Variants in SHROOM3 observed in about 807,000 individuals in gnomAD.
The protein encoded by SHROOM3 is protein Shroom3.
SHROOM3 carries 47 observed loss-of-function variants against 138.6 expected under a neutral mutation model. The ratio of observed to expected loss-of-function variants is 0.34; its 90% CI spans 0.27 to 0.43. The LOEUF (loss-of-function observed/expected upper bound fraction) is 0.43. SHROOM3 is among the 20% of genes least tolerant of loss of function. The pLI, the probability that SHROOM3 is intolerant of heterozygous loss-of-function variation, is 1.00. For missense variants in SHROOM3, 2,491 were observed against 2,596.5 expected, an observed-to-expected ratio of 0.96 and a Z score of 0.88; for synonymous variants, 1,062 against 1,063.3, an observed-to-expected ratio of 1.00 and a Z score of 0.02.
At chr4:76,534,512 T>G (rs1390099810) in intron 1 of SHROOM3, among the ~76,000 whole-genome samples, 1 of 135,752 alleles carries the variant, frequency 7.4e-6, no homozygotes, top group Non-Finnish European at 1.6e-5. Flanking sequence ...TATTTATTGT[T>G]GTCATTGACC....
At chr4:76,704,963 A>T (rs1720007929) in intron 2 of SHROOM3, among the ~76,000 whole-genome samples, 1 of 152,198 alleles carries the variant, frequency 6.6e-6, no homozygotes, top group Admixed American at 6.5e-5. Context: ...TTAAGGATAA[A>T]ATAGAAAAAT....
intron 3 of SHROOM3, among the ~76,000 whole-genome samples, chr4:76,730,564 C>T (rs1720841803): frequency 6.6e-6 from 1 of 152,182 alleles, no homozygotes; most frequent in Non-Finnish European, 1.5e-5. Context: ...AATTTTGCAA[C>T]ATTTTAATGC....
intron 10 of SHROOM3, 41 bp downstream of exon 10, chr4:76,770,939 A>G (rs1311339665): frequency 6.2e-7 from 1 of 1,612,860 alleles, no homozygotes; most frequent in Non-Finnish European, 8.5e-7. Context: ...TTCTCCCTCA[A>G]AGCCCACATA....
intron 2 of SHROOM3, among the ~76,000 whole-genome samples, chr4:76,561,284 G>C (rs1387954937): frequency 2.0e-5 from 3 of 152,260 alleles, no homozygotes; most frequent in Non-Finnish European, 4.4e-5. Flanking sequence ...AGTAGTACTA[G>C]TAGTAGTAGT....
chr4:76,748,862 C>T (rs1039275924), intron 5 of SHROOM3, among the ~76,000 whole-genome samples, 155 bp from the exon 6 acceptor site: 2 of 139,156 alleles, frequency 1.4e-5, no homozygotes, highest in Admixed American at 7.5e-5. Context: ...TCTCCTGCAT[C>T]GATGCCATGG....
chr4:76,581,833 C>T (rs181853165), intron 2 of SHROOM3, among the ~76,000 whole-genome samples: 4 of 152,178 alleles, frequency 2.6e-5, no homozygotes, highest in East Asian at 1.9e-4. Flanking sequence ...CTAAACTAAT[C>T]GTGAACCCCA....
At chr4:76,773,461 AAAG>A (rs1722441267) in intron 10 of SHROOM3, among the ~76,000 whole-genome samples, 1 of 152,078 alleles carries the variant, frequency 6.6e-6, no homozygotes, top group African/African-American at 2.4e-5. Context: ...AAGAAAGTTC[AAAG>A]AAGGTGTGGG....
chr4:76,676,143 C>T (rs576691725), intron 2 of SHROOM3, among the ~76,000 whole-genome samples: 1 of 152,028 alleles, frequency 6.6e-6, no homozygotes, highest in African/African-American at 2.4e-5. Context: ...ATATGCTTCT[C>T]AGCAGTTTTA....
chr4:76,694,682 G>T (rs1425681257), intron 2 of SHROOM3, among the ~76,000 whole-genome samples: 1 of 152,150 alleles, frequency 6.6e-6, no homozygotes, highest in South Asian at 2.1e-4. Flanking sequence ...CTTAAGAGAG[G>T]TATTAATATT....
chr4:76,482,981 C>T (rs1174586473), intron 1 of SHROOM3, among the ~76,000 whole-genome samples: 1 of 152,154 alleles, frequency 6.6e-6, no homozygotes, highest in Non-Finnish European at 1.5e-5. Flanking sequence ...CTTCCTTACA[C>T]CTTATACAAA....
chr4:76,524,556 A>T (rs930290146), intron 1 of SHROOM3, among the ~76,000 whole-genome samples: 3 of 152,220 alleles, frequency 2.0e-5, no homozygotes, highest in Non-Finnish European at 4.4e-5. Flanking sequence ...ATCCTGCCTT[A>T]ATTAACAAAA....
intron 2 of SHROOM3, chr4:76,639,386 C>T (rs189660052): frequency 5.1e-6 from 2 of 392,864 alleles, no homozygotes; most frequent in East Asian, 7.2e-5. Flanking sequence ...ACAGCAAGGT[C>T]TATTGCTGCA....
intron 3 of SHROOM3, among the ~76,000 whole-genome samples, chr4:76,720,603 T>C (rs1560601387): frequency 6.6e-6 from 1 of 151,660 alleles, no homozygotes. Flanking sequence ...AATCTCTCCC[T>C]GAATTCTTTC....
intron 9 of SHROOM3, among the ~76,000 whole-genome samples, chr4:76,767,976 C>A (rs1266639018): frequency 2.0e-5 from 3 of 152,154 alleles, no homozygotes; most frequent in Admixed American, 1.3e-4. Context: ...GAGCTGAAGG[C>A]CTTTTCCTGA....
At chr4:76,666,726 T>A (rs1298137002) in intron 2 of SHROOM3, among the ~76,000 whole-genome samples, 1 of 152,168 alleles carries the variant, frequency 6.6e-6, no homozygotes, top group African/African-American at 2.4e-5. Flanking sequence ...TCTTAATTTC[T>A]TAAAAGGAAA....
At chr4:76,771,603 G>C (rs543087549) in intron 10 of SHROOM3, among the ~76,000 whole-genome samples, 12 of 152,264 alleles carry the variant, frequency 7.9e-5, no homozygotes, top group Non-Finnish European at 1.3e-4. Context: ...GACGCACCAG[G>C]GTGTCTCCAC....
At chr4:76,681,594 GGTGTGTGTGT>G (rs558707266) in intron 2 of SHROOM3, among the ~76,000 whole-genome samples, 6 of 81,018 alleles carry the variant, frequency 7.4e-5, no homozygotes, top group Admixed American at 4.1e-4. Flanking sequence ...CAGAGTCTAG[GGTGTGTGTGT>G]GTGTGTGTGT....
At chr4:76,736,938 A>C (rs1721089636) in intron 4 of SHROOM3, among the ~76,000 whole-genome samples, 1 of 152,186 alleles carries the variant, frequency 6.6e-6, no homozygotes, top group African/African-American at 2.4e-5. Flanking sequence ...AATCACCCAA[A>C]GTCCATAGTT....
At chr4:76,612,318 C>CA (rs1334151745) in intron 2 of SHROOM3, among the ~76,000 whole-genome samples, 2 of 151,816 alleles carry the variant, frequency 1.3e-5, no homozygotes, top group African/African-American at 4.8e-5. Context: ...TTTGTTTAGC[C>CA]AAAAAAGATA....
Sources: allele counts gnomAD v4.1 joint callset (sites outside exome capture counted in the v4.1 genomes callset), GRCh38; gene constraint gnomAD v4.1.1; transcripts MANE v1.5; gene names NCBI Gene and HGNC (gene_info 2026-07-23, HGNC 2026-07-21).